FBXL13: variants seen among roughly 807,000 people sequenced by gnomAD.
FBXL13 encodes the protein F-box and leucine-rich repeat protein 13.
A neutral mutation model predicts 83.6 loss-of-function variants in FBXL13; 67 were observed. The observed-to-expected ratio is 0.80, with a 90% CI of 0.66 to 0.98. The LOEUF (loss-of-function observed/expected upper bound fraction) is 0.98, where lower values mean the gene tolerates loss of function less well. Among genes scored for constraint, FBXL13 ranks in the 50% least tolerant of loss-of-function variants. The pLI is 0.00. For synonymous variants in FBXL13, 272 were observed against 299.5 expected (o/e 0.91, Z 0.95); for missense variants, 822 against 866.5 (o/e 0.95, Z 0.64).
At chr7:103,053,983 G>T (rs1797086491) in intron 2 of FBXL13, among the ~76,000 whole-genome samples, 1 of 152,126 alleles carries the variant, frequency 6.6e-6, no homozygotes, top group Non-Finnish European at 1.5e-5. Context: ...GCCTCAAATT[G>T]TTTTTGCCTC....
At position 102,934,208 on chromosome 7, in the gene FBXL13, A is replaced by G. The variant is rs140759106; in HGVS notation, c.725-2275T>C. 6.2e-4 allele frequency: 999 copies of G among 1,614,248 alleles called. 5 individuals are homozygous for G. Among genetic ancestry groups the G allele is most frequent in the South Asian group, 3.9e-3 (356 of 91,086 alleles). The stretch of plus-strand genomic sequence containing the variant: ...AAACAAGATCCGCACATTGAAGAAC[A>G]ACATGTTTTCCAAGTTTAAAAAGCT... On this transcript the variant is annotated intron_variant, in intron 8 of 19. Coordinates refer to ENST00000313221, the Ensembl canonical transcript of FBXL13.
At chr7:103,034,132 T>C (rs1052778422) in intron 2 of FBXL13, among the ~76,000 whole-genome samples, 2 of 152,124 alleles carry the variant, frequency 1.3e-5, no homozygotes, top group Non-Finnish European at 2.9e-5. Context: ...TAGCTAGACA[T>C]AAAGGTTCTC....
intron 6 of FBXL13, among the ~76,000 whole-genome samples, chr7:102,984,194 G>A (rs1828652405): frequency 6.6e-6 from 1 of 151,674 alleles, no homozygotes; most frequent in African/African-American, 2.4e-5. Flanking sequence ...CTTTAAATCT[G>A]ATCACATTAA....
intron 10 of FBXL13, among the ~76,000 whole-genome samples, chr7:102,920,706 A>T (rs1216112824): frequency 6.6e-6 from 1 of 152,226 alleles, no homozygotes; most frequent in Non-Finnish European, 1.5e-5. Flanking sequence ...AAAAAGGCAA[A>T]GAGAATGAAT....
intron 2 of FBXL13, among the ~76,000 whole-genome samples, chr7:103,043,705 G>C (rs960733106): frequency 3.9e-5 from 6 of 151,926 alleles, no homozygotes; most frequent in Non-Finnish European, 8.8e-5. Context: ...GTAAAGACAG[G>C]GTTTCACCAT....
chr7:103,051,275 A>G (rs1170397529), intron 2 of FBXL13, among the ~76,000 whole-genome samples: 1 of 152,240 alleles, frequency 6.6e-6, no homozygotes, highest in Non-Finnish European at 1.5e-5. Flanking sequence ...ACTGCTTACT[A>G]TCAGTTCCTT....
intron 10 of FBXL13, among the ~76,000 whole-genome samples, chr7:102,921,963 G>A (rs1205186553): frequency 6.6e-6 from 1 of 152,036 alleles, no homozygotes. Context: ...GGCCAAGGTG[G>A]GTGGATCACT....
intron 16 of FBXL13, among the ~76,000 whole-genome samples, chr7:102,862,787 T>G (rs1300229105): frequency 6.6e-6 from 1 of 152,244 alleles, no homozygotes; most frequent in Non-Finnish European, 1.5e-5. Flanking sequence ...TCTTCCTTGT[T>G]TCTCATGATA....
At chr7:102,825,789 T>C (rs1799522008) in intron 18 of FBXL13, among the ~76,000 whole-genome samples, 1 of 152,234 alleles carries the variant, frequency 6.6e-6, no homozygotes. Context: ...CTTTCTTATG[T>C]TGGATCTTTT....
In FBXL13 at chr7:102,829,520, C is replaced by G. The variant is rs1800288581; in HGVS notation, c.1854+3320G>C. ...CACCCCCTTTTCTTTCTAATCATTACTAACTCCCACTTCACGTCGGTCATG... is the reference window on the plus strand; with the variant it reads ...CACCCCCTTTTCTTTCTAATCATTAGTAACTCCCACTTCACGTCGGTCATG... On this transcript the variant is annotated intron_variant, in intron 18 of 19. Transcript: ENST00000313221. 2.0e-5 allele frequency among the ~76,000 whole-genome samples: 3 copies of G among 152,154 alleles called. No homozygotes were observed. The South Asian group carries it at 6.2e-4, about 31-fold the overall frequency.
intron 8 of FBXL13, among the ~76,000 whole-genome samples, chr7:102,946,868 G>A (rs148803809): frequency 3.4e-4 from 52 of 151,848 alleles, no homozygotes; most frequent in African/African-American, 1.2e-3. Flanking sequence ...AGAGACGGGG[G>A]TTTTGCCATG....
At chr7:102,914,764 G>A (rs562744259) in intron 10 of FBXL13, among the ~76,000 whole-genome samples, 1 of 152,352 alleles carries the variant, frequency 6.6e-6, no homozygotes, top group East Asian at 1.9e-4. Flanking sequence ...AGGGCCTGAA[G>A]GAGAAAGCAG....
In FBXL13 at chr7:103,025,094, A is replaced by G; in HGVS notation, c.464T>C (p.Ile155Thr). Residue 155 changes from isoleucine (I) to threonine (T), a missense_variant, in exon 6 of 20, where the codon ATT becomes ACT. Ile to Thr is a moderately conservative substitution (Grantham distance 89, BLOSUM62 -1). Transcript: ENST00000313221. ...TATTGCTCTTTCAGGTAACAGTGAA[A>G]TGTCACATTTTAGAGTCTCATCTAC... The G allele has an allele frequency of 1.9e-6, 3 of 1,611,880 alleles. No homozygotes were observed. The South Asian group carries it at 3.3e-5, about 18-fold the overall frequency.
intron 6 of FBXL13, among the ~76,000 whole-genome samples, chr7:103,017,363 C>G (rs551952953): frequency 6.6e-6 from 1 of 151,898 alleles, no homozygotes; most frequent in Non-Finnish European, 1.5e-5. Context: ...GATAAAACCA[C>G]AAAGACGGGG....
At chr7:102,990,675 G>C (rs1300318121) in intron 6 of FBXL13, among the ~76,000 whole-genome samples, 1 of 152,192 alleles carries the variant, frequency 6.6e-6, no homozygotes, top group African/African-American at 2.4e-5. Context: ...AGAGGACAGA[G>C]GATCAAAGGT....
At chr7:103,014,213 A>C (rs769542744) in intron 6 of FBXL13, among the ~76,000 whole-genome samples, 2 of 152,142 alleles carry the variant, frequency 1.3e-5, no homozygotes, top group African/African-American at 2.4e-5. Flanking sequence ...AAAATTAGCC[A>C]GGCATAGTGG....
intron 2 of FBXL13, among the ~76,000 whole-genome samples, chr7:103,053,729 C>T (rs1354909729): frequency 2.0e-5 from 3 of 152,120 alleles, no homozygotes; most frequent in Non-Finnish European, 4.4e-5. Context: ...TGAGGTTGTC[C>T]CCAAACAGCT....
At chr7:102,909,830 A>G (rs1177977622) in intron 11 of FBXL13, among the ~76,000 whole-genome samples, 1 of 152,008 alleles carries the variant, frequency 6.6e-6, no homozygotes. Flanking sequence ...TCTCTTTTGG[A>G]TCGATGAGCT....
intron 17 of FBXL13, among the ~76,000 whole-genome samples, chr7:102,849,237 C>A (rs1414619519): frequency 2.6e-5 from 4 of 152,170 alleles, no homozygotes; most frequent in African/African-American, 7.2e-5. Context: ...CTTTCAAGAG[C>A]ACCAAATAAT....
Sources: allele counts gnomAD v4.1 joint callset (sites outside exome capture counted in the v4.1 genomes callset), GRCh38; gene constraint gnomAD v4.1.1; transcripts MANE v1.5; gene names NCBI Gene and HGNC (gene_info 2026-07-23, HGNC 2026-07-21).